PLPPR3: variants seen among roughly 807,000 people sequenced by gnomAD.
The protein encoded by PLPPR3 is phospholipid phosphatase-related protein type 3.
Under a neutral mutation model 27.3 loss-of-function variants are expected in PLPPR3, and 14 were observed. That is an observed-to-expected ratio of 0.51 (90% CI 0.34 to 0.80). The LOEUF is 0.80. PLPPR3 is among the 30% of genes least tolerant of loss of function. The pLI, the probability that PLPPR3 is intolerant of heterozygous loss-of-function variation, is 0.01. For missense variants in PLPPR3, 1,287 were observed against 1,056.9 expected (o/e 1.22, Z -3.02); for synonymous variants, 671 against 508.0 (o/e 1.32, Z -4.32).
In PLPPR3 at chr19:813,832, C is replaced by A. The variant is rs1013829871; in HGVS notation, c.895G>T (p.Ala299Ser). ...PAEKPAAPAP[A>S]KDALRALTQR... ...GTCAGGGCCCGCAGCGCGTCCTTGG[C>A]GGGGGCCGGGGCCGCGGGCTTCTCT... Residue 299 changes from alanine to serine, a missense_variant, in exon 8 of 8, where the codon GCC becomes TCC. Coordinates refer to ENST00000520876, the MANE Select transcript of PLPPR3 (RefSeq NM_001270366.2). The surrounding 1 kb of genome is among the most constrained non-coding windows in gnomAD (Gnocchi z 4.1). 2.1e-5 allele frequency: 31 copies of A among 1,484,822 alleles called. No homozygotes were observed. Among genetic ancestry groups the A allele is most frequent in the Non-Finnish European group, 2.7e-5 (30 of 1,125,804 alleles). The allele number at this position is 1,484,822 out of a possible 1,614,324, so 92.0% of individuals were successfully genotyped here.
chr19:812,806 A>T lies in PLPPR3; in HGVS notation c.1921T>A (p.Ser641Thr). 9.1e-7 allele frequency: 1 copy of T among 1,095,686 alleles called. No homozygotes were observed. Among genetic ancestry groups the T allele is most frequent in the Non-Finnish European group, 1.1e-6 (1 of 900,102 alleles). 67.9% of individuals were successfully genotyped at this position (1,095,686 alleles called of 1,614,324 possible). A position where few individuals can be genotyped will look rare whatever the true frequency, so the allele number is the denominator to read the frequency against. ...GAKPPGVSPG[S>T]SVSDVDQEEP... ...TCCTGGTCCACGTCGCTGACCGACG[A>T]GCCGGGGGACACGCCCGGGGGCTTG... Residue 641 changes from serine to threonine, a missense_variant, in exon 8 of 8, where the codon TCG becomes ACG. Ser to Thr is a moderately conservative substitution (Grantham distance 58). Coordinates refer to ENST00000520876, the MANE Select transcript of PLPPR3 (RefSeq NM_001270366.2).
Position 821,581 on chromosome 19 carries a change from C to G in PLPPR3, c.-22G>C, listed in dbSNP as rs776515938. 3 of 1,385,336 alleles carry G rather than the reference C, an allele frequency of 2.2e-6. No homozygotes were observed. Among genetic ancestry groups the G allele is most frequent in the South Asian group, 2.6e-5 (2 of 75,582 alleles). The allele number at this position is 1,385,336 out of a possible 1,614,324, so 85.8% of individuals were successfully genotyped here. ...TCATGGTGCCGCGGGCGCCGCAGGC[C>G]GTGGCTGGAGGGGAGAAAGCGGCGC... On this transcript the variant is annotated 5_prime_UTR_variant, in exon 2 of 8. Coordinates refer to ENST00000520876, the MANE Select transcript of PLPPR3 (RefSeq NM_001270366.2).
upstream of PLPPR3, chr19:822,064 G>T (rs2035157414): frequency 6.6e-6 from 1 of 151,640 alleles, no homozygotes; most frequent in African/African-American, 2.4e-5. Flanking sequence ...GCAGCCAGGG[G>T]CGGGGGCTCT....
intron 2 of PLPPR3, among the ~76,000 whole-genome samples, chr19:817,198 G>A (rs111302943): frequency 0.13 from 20,284 of 152,046 alleles, 1,665 homozygotes; most frequent in South Asian, 0.24. Flanking sequence ...GGCTGGTCTC[G>A]AACTCCTAGG....
Position 815,232 on chromosome 19 carries a change from G to T in PLPPR3, c.357C>A (p.Gly119=). Residue 119 remains glycine (G), a synonymous_variant, in exon 4 of 8, where the codon GGC becomes GGA. Transcript: ENST00000520876. ...PAGAEGSINA[G]GCNFNSFLRR... is the part of the protein sequence containing the mutation. ...GCAGGAAGGAGTTGAAGTTGCAGCCGCCGGCGTTGATGCTGCCCTCCGCCC... is the reference window on the plus strand; with the variant it reads ...GCAGGAAGGAGTTGAAGTTGCAGCCTCCGGCGTTGATGCTGCCCTCCGCCC... 6.3e-7 allele frequency: 1 copy of T among 1,591,790 alleles called. No homozygotes were observed.
intron 2 of PLPPR3, among the ~76,000 whole-genome samples, chr19:816,996 C>T (rs2035073451): frequency 6.7e-6 from 1 of 148,198 alleles, no homozygotes; most frequent in African/African-American, 2.5e-5. Context: ...TCCATCTATC[C>T]ACCCTCCCAC....
chr19:818,958 C>CTACTTTT (rs2035104794), intron 2 of PLPPR3, among the ~76,000 whole-genome samples: 1 of 120,518 alleles, frequency 8.3e-6, no homozygotes. Flanking sequence ...TGCGCTCGGC[C>CTACTTTT]TTATTATTAT....
chr19:814,852 G>C, intron 5 of PLPPR3, 34 bp downstream of exon 5: 2 of 1,596,406 alleles, frequency 1.3e-6, no homozygotes, highest in Non-Finnish European at 8.5e-7. Context: ...GCGGAAGAAG[G>C]CTCCCAGTCA....
chr19:815,255 C>T lies in PLPPR3; in HGVS notation c.334G>A (p.Ala112Thr). The T allele has an allele frequency of 6.4e-7, 1 of 1,568,294 alleles. No homozygotes were observed. The highest frequency in any genetic ancestry group is 1.4e-5 in the African/African-American group (1 of 73,608). Residue 112 changes from alanine to threonine, a missense_variant, in exon 4 of 8, where the codon GCG (alanine) becomes ACG (threonine). By Grantham distance (58) the Ala-to-Thr change is moderately conservative. Coordinates refer to ENST00000520876, the MANE Select transcript of PLPPR3 (RefSeq NM_001270366.2). ...CCGCCGGCGTTGATGCTGCCCTCCG[C>T]CCCGGCGGGCCCCCCGGCACGGCCC... ...LWGRAGGPAG[A>T]EGSINAGGCN...
intron 2 of PLPPR3, among the ~76,000 whole-genome samples, chr19:816,500 C>A (rs200735726): frequency 1.5e-5 from 2 of 129,048 alleles, no homozygotes; most frequent in Admixed American, 7.7e-5. Flanking sequence ...CATTCATTCA[C>A]CCATCCATCC....
chr19:812,665 G>T lies in PLPPR3; in HGVS notation c.2062C>A (p.Arg688Ser). The T allele has an allele frequency of 9.5e-7, 1 of 1,057,802 alleles. No individual in the cohort carries two copies. Among genetic ancestry groups the T allele is most frequent in the Non-Finnish European group, 1.1e-6 (1 of 875,328 alleles). The allele number at this position is 1,057,802 out of a possible 1,614,324, so 65.5% of individuals were successfully genotyped here. A position where few individuals can be genotyped will look rare whatever the true frequency, so the allele number is the denominator to read the frequency against. ...GCCAGCCCCAGGCCGCCCGCGTGGC[G>T]CCGCAGCGTGGACTCCCGGCTGCCC... ...GPGSRESTLR[R>S]HAGGLGLAER... Residue 688 changes from arginine (R) to serine (S), a missense_variant, in exon 8 of 8, where the codon CGC (arginine) becomes AGC (serine). Transcript: ENST00000520876.
rs1196466505 is a variant in PLPPR3 at position 813,524 on chromosome 19, G to C, written c.1203C>G (p.Ala401=). ...RHMTIHVPLD[A]SRSKQLISEW... is the part of the protein sequence containing the mutation. ...CGCTGATGAGCTGCTTGGAGCGCGA[G>C]GCGTCCAGCGGCACGTGGATGGTCA... is the stretch of plus-strand genomic sequence containing the variant. Residue 401 remains alanine (A), a synonymous_variant, in exon 8 of 8, where the codon GCC becomes GCG. Transcript: ENST00000520876. This position sits in a 1 kb window ranked among gnomAD's most constrained non-coding sequence, Gnocchi z 4.1. The C allele has an allele frequency of 3.8e-6, 6 of 1,560,114 alleles. No individual in the cohort carries two copies. Among genetic ancestry groups the C allele is most frequent in the Non-Finnish European group, 5.2e-6 (6 of 1,155,032 alleles).
Position 812,541 on chromosome 19 carries a change from G to GGGCCCCCC in PLPPR3, c.*28_*29insGGGGGGCC. The GGGCCCCCC allele has an allele frequency of 3.1e-4, 191 of 617,332 alleles. No homozygotes were observed. The highest frequency in any genetic ancestry group is 8.2e-4 in the Middle Eastern group (1 of 1,226). 38.2% of individuals were successfully genotyped at this position (617,332 alleles called of 1,614,324 possible). The stretch of plus-strand genomic sequence containing the variant: ...GCGCGGCCGCCCGCGCCCTCGGCCC[G>GGGCCCCCC]CCCCCCGCCCGCCCCCGGCCCCGCC... On this transcript the variant is annotated 3_prime_UTR_variant, in exon 8 of 8. Transcript: ENST00000520876.
chr19:822,201 C>G (rs1315523565), upstream of PLPPR3, among the ~76,000 whole-genome samples: 1 of 151,616 alleles, frequency 6.6e-6, no homozygotes, highest in Non-Finnish European at 1.5e-5. Flanking sequence ...GGGTCGCGTC[C>G]TCCTCCCTTC....
chr19:815,148 G>A, intron 4 of PLPPR3, 38 bp downstream of exon 4: 1 of 1,601,500 alleles, frequency 6.2e-7, no homozygotes, highest in South Asian at 1.1e-5. Context: ...CCCTGCATGT[G>A]GAGGTAGCTC....
intron 2 of PLPPR3, among the ~76,000 whole-genome samples, chr19:820,524 C>CTT (rs34412504): frequency 2.9e-5 from 4 of 138,394 alleles, no homozygotes; most frequent in African/African-American, 1.0e-4. Context: ...TTATTGTCTT[C>CTT]TTTTTTTTTT....
upstream of PLPPR3, among the ~76,000 whole-genome samples, chr19:822,331 G>A (rs1251012686): frequency 6.6e-6 from 1 of 151,470 alleles, no homozygotes; most frequent in African/African-American, 2.4e-5. Context: ...GTCTCTGACT[G>A]TCTCCGTGTC....
Position 813,389 on chromosome 19 carries a change from C to T in PLPPR3, c.1338G>A (p.Glu446=), listed in dbSNP as rs768672450. 1.0e-5 allele frequency: 15 copies of T among 1,500,674 alleles called. No homozygotes were observed. The highest frequency in any genetic ancestry group is 2.6e-6 in the Non-Finnish European group (3 of 1,132,874). 93.0% of individuals were successfully genotyped at this position (1,500,674 alleles called of 1,614,324 possible). Residue 446 remains glutamate, a synonymous_variant, in exon 8 of 8, where the codon GAG becomes GAA. Transcript: ENST00000520876. The surrounding 1 kb of genome is among the most constrained non-coding windows in gnomAD (Gnocchi z 4.1). ...AEPMAEEEEE[E]EDEEEEEEEE... is the part of the protein sequence containing the mutation. ...CCTCCTCCTCTTCCTCTTCGTCCTC[C>T]TCCTCTTCCTCCTCCTCCGCCATGG... is the stretch of plus-strand genomic sequence containing the variant.
In PLPPR3 at chr19:812,653, C is replaced by A. The variant is rs1278572143; in HGVS notation, c.2074G>T (p.Gly692Cys). 9.2e-7 allele frequency: 1 copy of A among 1,081,436 alleles called. No homozygotes were observed. Among genetic ancestry groups the A allele is most frequent in the Non-Finnish European group, 1.1e-6 (1 of 887,326 alleles). The allele number at this position is 1,081,436 out of a possible 1,614,324, so 67.0% of individuals were successfully genotyped here. ...RESTLRRHAG[G>C]LGLAEREAEA... ...GCCTCGCGCTCCGCCAGCCCCAGGC[C>A]GCCCGCGTGGCGCCGCAGCGTGGAC... The change falls in exon 8 of 8, where the codon GGC becomes TGC. Residue 692 changes from glycine to cysteine, a missense_variant. Transcript: ENST00000520876.
Sources: allele counts gnomAD v4.1 joint callset (sites outside exome capture counted in the v4.1 genomes callset), GRCh38; gene constraint gnomAD v4.1.1; non-coding constraint Gnocchi (gnomAD v3.1); transcripts MANE v1.5; gene names NCBI Gene and HGNC (gene_info 2026-07-23, HGNC 2026-07-21).